GRIP1: variants seen among roughly 807,000 people sequenced by gnomAD.
GRIP1 encodes glutamate receptor interacting protein 1, also known as glutamate receptor-interacting protein 1.
In GRIP1, 45 loss-of-function variants were observed where a neutral mutation model predicts 129.9. That is an observed-to-expected ratio of 0.35 (90% CI 0.27 to 0.44). The LOEUF (loss-of-function observed/expected upper bound fraction) is 0.44, where lower values mean the gene tolerates loss of function less well. Among genes scored for constraint, GRIP1 ranks in the 20% least tolerant of loss-of-function variants. The pLI is 1.00. For synonymous variants in GRIP1, 530 were observed against 520.8 expected, an observed-to-expected ratio of 1.02 and a Z score of -0.24; for missense variants, 1,196 against 1,396.8, an observed-to-expected ratio of 0.86 and a Z score of 2.29.
intron 22 of GRIP1, 50 bp from the exon 23 acceptor site, chr12:66,371,977 G>C (rs752294934): frequency 1.2e-5 from 15 of 1,213,106 alleles, no homozygotes; most frequent in Non-Finnish European, 1.8e-5. Flanking sequence ...ACTAAGGAAA[G>C]GATTTGGTGC....
At position 66,931,439 on chromosome 12, in the gene GRIP1, A is replaced by C. The variant is rs74098149; in HGVS notation, c.58+137611T>G. Among the ~76,000 whole-genome samples, 477 of 152,336 alleles carry C rather than the reference A, an allele frequency of 3.1e-3. 4 individuals are homozygous for C. The highest frequency in any genetic ancestry group is 0.011 in the African/African-American group (437 of 41,580). ...CAGGTGATTAAGCAATGAGTAGAAT[A>C]ATGAAGAAAGGGAAACTAGGGCATG... On this transcript the variant is annotated intron_variant, in intron 1 of 1. Transcript: ENST00000643019.
intron 1 of GRIP1, among the ~76,000 whole-genome samples, chr12:66,885,206 A>AG (rs929290990): frequency 6.6e-6 from 1 of 152,180 alleles, no homozygotes; most frequent in Non-Finnish European, 1.5e-5. Flanking sequence ...CGAAACTCTC[A>AG]GTGGTGCCTC....
chr12:66,937,294 G>A (rs539767496), intron 1 of GRIP1, among the ~76,000 whole-genome samples: 1 of 152,274 alleles, frequency 6.6e-6, no homozygotes, highest in South Asian at 2.1e-4. Context: ...TTTACTCCAT[G>A]ACATTTATCA....
chr12:66,421,331 G>A (rs1592825911), intron 14 of GRIP1, among the ~76,000 whole-genome samples: 2 of 152,084 alleles, frequency 1.3e-5, no homozygotes, highest in East Asian at 3.8e-4. Context: ...ATCACCTGGG[G>A]TCAGAAGTTC....
intron 1 of GRIP1, among the ~76,000 whole-genome samples, chr12:66,906,057 C>T (rs936314437): frequency 6.6e-6 from 1 of 152,082 alleles, no homozygotes; most frequent in Admixed American, 6.6e-5. Flanking sequence ...TCTGACTGGA[C>T]TATCTAGGCA....
chr12:66,425,160 G>C (rs892611678), intron 14 of GRIP1, among the ~76,000 whole-genome samples: 2 of 152,064 alleles, frequency 1.3e-5, no homozygotes, highest in African/African-American at 4.8e-5. Flanking sequence ...AAGAATTCTA[G>C]GCTGGCAATC....
At chr12:66,732,399 C>G (rs932210522) in intron 1 of GRIP1, among the ~76,000 whole-genome samples, 1 of 152,016 alleles carries the variant, frequency 6.6e-6, no homozygotes, top group African/African-American at 2.4e-5. Flanking sequence ...AAAACAGTTA[C>G]AAAATTGGCT....
chr12:66,535,177 G>C (rs1373269848), intron 4 of GRIP1, among the ~76,000 whole-genome samples: 2 of 152,096 alleles, frequency 1.3e-5, no homozygotes, highest in African/African-American at 4.8e-5. Context: ...TTCACTATTA[G>C]CCTTTGCCTA....
At chr12:66,518,669 G>T (rs1023185943) in intron 5 of GRIP1, among the ~76,000 whole-genome samples, 1 of 152,020 alleles carries the variant, frequency 6.6e-6, no homozygotes, top group Non-Finnish European at 1.5e-5. Flanking sequence ...CTCCCCCAGC[G>T]TCTGCATGAA....
At chr12:66,530,027 A>G in intron 4 of GRIP1, 113 bp from the exon 5 acceptor site, 1 of 706,034 alleles carries the variant, frequency 1.4e-6, no homozygotes, top group Non-Finnish European at 2.5e-6. Context: ...AGTTTTGAGT[A>G]ATAAGCAACA....
chr12:66,841,203 A>T (rs2039710017), intron 1 of GRIP1, among the ~76,000 whole-genome samples: 2 of 152,144 alleles, frequency 1.3e-5, no homozygotes, highest in Admixed American at 1.3e-4. Context: ...AATCTGAGTG[A>T]CTGGCATAAT....
intron 4 of GRIP1, among the ~76,000 whole-genome samples, chr12:66,538,551 G>C (rs11835094): frequency 0.71 from 107,206 of 152,062 alleles, 38,646 homozygotes; most frequent in African/African-American, 0.87. Context: ...GCTGAAAGCA[G>C]AAGAGTAGTG....
At chr12:67,055,579 C>T (rs754948287) in intron 1 of GRIP1, among the ~76,000 whole-genome samples, 7 of 152,030 alleles carry the variant, frequency 4.6e-5, no homozygotes, top group African/African-American at 7.2e-5. Context: ...TGAGGACTCC[C>T]AAAAGTTTTT....
chr12:66,579,352 C>T (rs957787285), intron 2 of GRIP1, among the ~76,000 whole-genome samples: 21 of 152,166 alleles, frequency 1.4e-4, no homozygotes, highest in African/African-American at 4.8e-4. Context: ...AAGCAAAGCA[C>T]CTCTCCTCCT....
intron 1 of GRIP1, among the ~76,000 whole-genome samples, chr12:66,839,622 C>T (rs2039678667): frequency 2.0e-5 from 3 of 151,998 alleles, no homozygotes; most frequent in Admixed American, 2.0e-4. Flanking sequence ...GAAAGATATC[C>T]CCAAAGGGAT....
At chr12:67,064,132 A>G (rs2043582341) in intron 1 of GRIP1, among the ~76,000 whole-genome samples, 2 of 152,216 alleles carry the variant, frequency 1.3e-5, no homozygotes, top group South Asian at 2.1e-4. Context: ...TGAGGTTCCA[A>G]TCCTTATTGT....
intron 1 of GRIP1, among the ~76,000 whole-genome samples, chr12:67,028,603 A>C (rs947615537): frequency 1.3e-5 from 2 of 152,206 alleles, no homozygotes; most frequent in African/African-American, 4.8e-5. Context: ...TTTTTATTCA[A>C]TAGCCTCTGC....
chr12:66,662,397 C>T (rs942152840), intron 1 of GRIP1, among the ~76,000 whole-genome samples: 42 of 152,272 alleles, frequency 2.8e-4, no homozygotes, highest in African/African-American at 1.0e-3. Context: ...GGAAATCATG[C>T]ATAACCTGTT....
At chr12:66,593,265 G>A (rs1223741198) in intron 2 of GRIP1, among the ~76,000 whole-genome samples, 1 of 152,126 alleles carries the variant, frequency 6.6e-6, no homozygotes, top group African/African-American at 2.4e-5. Flanking sequence ...TTCAGGAAGA[G>A]GAAAGGAGGG....
Sources: gnomAD v4.1 joint callset for allele counts (sites outside exome capture counted in the v4.1 genomes callset) on GRCh38, gnomAD v4.1.1 for gene constraint, MANE v1.5 for transcripts, NCBI Gene and HGNC (gene_info 2026-07-23, HGNC 2026-07-21) for gene names.